Variants in SHOC2 observed in about 807,000 individuals in gnomAD.
SHOC2 encodes the protein leucine-rich repeat protein SHOC-2.
A neutral mutation model predicts 50.2 loss-of-function variants in SHOC2; 4 were observed. The ratio of observed to expected loss-of-function variants is 0.08; its 90% confidence interval spans 0.04 to 0.18. SHOC2 has a LOEUF of 0.18. SHOC2 is among the 10% of genes least tolerant of loss of function. SHOC2 has a pLI of 1.00. For missense variants in SHOC2, 388 were observed against 669.6 expected, an observed-to-expected ratio of 0.58 and a Z score of 4.64; for synonymous variants, 218 against 244.5, an observed-to-expected ratio of 0.89 and a Z score of 1.01.
intron 3 of SHOC2, among the ~76,000 whole-genome samples, chr10:110,994,281 C>G (rs2134160669): frequency 6.6e-6 from 1 of 152,200 alleles, no homozygotes; most frequent in Admixed American, 6.5e-5. Context: ...ATGGAATAGG[C>G]AAGGGATAAA....
chr10:110,939,636 A>G (rs7082572), intron 1 of SHOC2, among the ~76,000 whole-genome samples: 114,744 of 152,154 alleles, frequency 0.75, 43,592 homozygotes, highest in East Asian at 0.85. Flanking sequence ...GTTAGATTAT[A>G]ACGTATGTCA....
At chr10:110,954,263 ATGT>A (rs1847414781) in intron 1 of SHOC2, among the ~76,000 whole-genome samples, 1 of 152,058 alleles carries the variant, frequency 6.6e-6, no homozygotes, top group African/African-American at 2.4e-5. Flanking sequence ...AATTAATTAC[ATGT>A]TTTATTTTCT....
chr10:111,012,082 C>G lies in SHOC2; in HGVS notation c.*264C>G. ...ATGCCAGTTTGCTTAAAACATTTGC[C>G]AACACATTATGAAGTTATTAAATTT... On this transcript the variant is annotated 3_prime_UTR_variant, in exon 9 of 9. Transcript: ENST00000369452. 2.2e-6 allele frequency: 1 copy of G among 454,212 alleles called. No homozygotes were observed. The highest frequency in any genetic ancestry group is 4.0e-6 in the Non-Finnish European group (1 of 252,278). 28.1% of individuals were successfully genotyped at this position (454,212 alleles called of 1,614,324 possible). A position where few individuals can be genotyped will look rare whatever the true frequency, so the allele number is the denominator to read the frequency against.
rs913524232 is a variant in SHOC2 at position 111,000,557 on chromosome 10, A to G, written c.972+12A>G. ...CTACTTTACCAGAGGTAAGAAGTGG[A>G]TTAGAGAAAACAAGATTTGAAATGA... On this transcript the variant is annotated intron_variant, in intron 4 of 8. Coordinates refer to ENST00000369452, the MANE Select transcript of SHOC2 (RefSeq NM_007373.4). The G allele has an allele frequency of 1.9e-6, 3 of 1,605,620 alleles. No individual in the cohort carries two copies. Among genetic ancestry groups the G allele is most frequent in the African/African-American group, 2.7e-5 (2 of 74,788 alleles).
At chr10:110,965,147 A>G in intron 2 of SHOC2, 86 bp downstream of exon 2, 7 of 1,181,378 alleles carry the variant, frequency 5.9e-6, no homozygotes, top group Non-Finnish European at 8.6e-6. Flanking sequence ...AATGCCTGAT[A>G]CTTGCCTAAA....
chr10:111,004,928 G>T (rs1848441086), intron 5 of SHOC2, 134 bp downstream of exon 5: 1 of 692,888 alleles, frequency 1.4e-6, no homozygotes, highest in Admixed American at 2.1e-5. Flanking sequence ...CATAAGACAT[G>T]TCAGGGTACT....
chr10:110,958,402 C>T (rs559559101), intron 1 of SHOC2, among the ~76,000 whole-genome samples: 5 of 152,068 alleles, frequency 3.3e-5, no homozygotes, highest in East Asian at 3.9e-4. Context: ...TTAATAGAGA[C>T]GGGGTTTCAC....
Position 111,013,087 on chromosome 10 carries a change from A to G in SHOC2, c.*1269A>G, listed in dbSNP as rs772654155. 2 of 152,574 alleles carry G rather than the reference A, an allele frequency of 1.3e-5. No individual in the cohort carries two copies. The highest frequency in any genetic ancestry group is 1.3e-4 in the Admixed American group (2 of 15,276). 9.5% of individuals were successfully genotyped at this position (152,574 alleles called of 1,614,324 possible). On this transcript the variant is annotated 3_prime_UTR_variant, in exon 9 of 9. Transcript: ENST00000369452. ...ATGGAAAAGAGGCACATTGCATAGA[A>G]GCCATTGGGGAGTTCAGTGGAAGTT...
intron 1 of SHOC2, among the ~76,000 whole-genome samples, chr10:110,928,452 T>C (rs1846820688): frequency 6.6e-6 from 1 of 152,210 alleles, no homozygotes; most frequent in African/African-American, 2.4e-5. Context: ...TATAAAGGAA[T>C]TTGATAAAAC....
rs539740130 is a variant in SHOC2 at position 110,945,001 on chromosome 10, ACAGCCTTAGG to A, written c.-234-19121_-234-19112del. 4.3e-3 allele frequency among the ~76,000 whole-genome samples: 661 copies of A among 152,308 alleles called. 3 individuals carry two copies. Among genetic ancestry groups the A allele is most frequent in the Non-Finnish European group, 6.6e-3 (447 of 68,024 alleles). On this transcript the variant is annotated intron_variant, in intron 1 of 8. Transcript: ENST00000369452. ...TTTCAGGTCTTCCTTGAGCATGTAC[ACAGCCTTAGG>A]CATGTGTATGACCTTCTAGATTCCC... is the stretch of plus-strand genomic sequence containing the variant.
intron 2 of SHOC2, among the ~76,000 whole-genome samples, chr10:110,980,852 T>C (rs1183400382): frequency 6.6e-6 from 1 of 152,154 alleles, no homozygotes; most frequent in East Asian, 1.9e-4. Context: ...CTTATGTGTT[T>C]TCTTGTTGTT....
intron 6 of SHOC2, among the ~76,000 whole-genome samples, chr10:111,008,811 A>T (rs1848515971): frequency 6.6e-6 from 1 of 151,992 alleles, no homozygotes; most frequent in South Asian, 2.1e-4. Flanking sequence ...TGCCATTTTA[A>T]CCCCCTTCAG....
At chr10:111,005,710 C>T (rs954349542) in intron 5 of SHOC2, among the ~76,000 whole-genome samples, 1 of 152,062 alleles carries the variant, frequency 6.6e-6, no homozygotes, top group East Asian at 1.9e-4. Flanking sequence ...AAATTCATTG[C>T]AAAAGGAGAA....
intron 1 of SHOC2, among the ~76,000 whole-genome samples, chr10:110,959,141 C>A (rs1030304228): frequency 6.6e-6 from 1 of 152,120 alleles, no homozygotes; most frequent in African/African-American, 2.4e-5. Context: ...TGTTCAGGCA[C>A]AATACCAGAA....
intron 1 of SHOC2, among the ~76,000 whole-genome samples, chr10:110,960,744 C>T (rs999946090): frequency 6.6e-6 from 1 of 152,190 alleles, no homozygotes; most frequent in Non-Finnish European, 1.5e-5. Flanking sequence ...GGCACAATCT[C>T]AGCTCACTGC....
intron 1 of SHOC2, among the ~76,000 whole-genome samples, chr10:110,949,851 T>A (rs1847317128): frequency 1.3e-5 from 2 of 152,094 alleles, no homozygotes; most frequent in South Asian, 4.1e-4. Context: ...TCTCAATAGA[T>A]ACAGAAAAAA....
chr10:111,006,581 G>A (rs1045589761), intron 5 of SHOC2, among the ~76,000 whole-genome samples: 36 of 152,078 alleles, frequency 2.4e-4, no homozygotes, highest in Non-Finnish European at 4.7e-4. Context: ...CGTTTTAGCC[G>A]GGATGGTCTC....
At chr10:111,010,154 T>TTAG (rs1245431638) in intron 8 of SHOC2, among the ~76,000 whole-genome samples, 3 of 152,278 alleles carry the variant, frequency 2.0e-5, no homozygotes, top group Admixed American at 1.3e-4. Context: ...CAGGCTTGAA[T>TTAG]TAGTAATGTT....
intron 1 of SHOC2, chr10:110,936,769 G>A: frequency 2.0e-6 from 2 of 1,011,036 alleles, no homozygotes; most frequent in Non-Finnish European, 3.1e-6. Flanking sequence ...TCTCCTCCAG[G>A]GTGGCTGTCA....
Sources: allele counts gnomAD v4.1 joint callset (sites outside exome capture counted in the v4.1 genomes callset), GRCh38; gene constraint gnomAD v4.1.1; transcripts MANE v1.5; gene names NCBI Gene and HGNC (gene_info 2026-07-23, HGNC 2026-07-21).